The following CAPN8 variants were observed in gnomAD, a reference collection of about 807,000 sequenced individuals.
The protein encoded by CAPN8 is calpain 8, also known as calpain-8.
CAPN8 carries 87 observed loss-of-function variants against 80.9 expected under a neutral mutation model. The ratio of observed to expected loss-of-function variants is 1.07; its 90% CI spans 0.90 to 1.28. The LOEUF (loss-of-function observed/expected upper bound fraction) is 1.28, where lower values mean the gene tolerates loss of function less well. CAPN8 is among the 50% of genes most tolerant of loss of function. CAPN8 has a pLI of 0.00. For synonymous variants in CAPN8, 299 were observed against 273.8 expected (o/e 1.09, Z -0.91); for missense variants, 757 against 702.0 (o/e 1.08, Z -0.89).
intron 13 of CAPN8, among the ~76,000 whole-genome samples, chr1:223,554,110 G>A (rs2102693146): frequency 6.6e-6 from 1 of 152,346 alleles, no homozygotes; most frequent in East Asian, 1.9e-4. Flanking sequence ...GATGAGCAGA[G>A]AGGCAGCGCT....
chr1:223,640,652 C>T (rs532825245), intron 2 of CAPN8, among the ~76,000 whole-genome samples: 4 of 152,274 alleles, frequency 2.6e-5, no homozygotes, highest in South Asian at 4.1e-4. Context: ...CAAATCCCAT[C>T]CTCCTCCCTA....
intron 9 of CAPN8, 89 bp from the exon 10 acceptor site, chr1:223,616,234 C>T (rs898793957): frequency 2.2e-6 from 3 of 1,373,168 alleles, no homozygotes; most frequent in Non-Finnish European, 2.9e-6. Context: ...CTTGATCATC[C>T]TAATGAATGC....
intron 1 of CAPN8, among the ~76,000 whole-genome samples, chr1:223,655,765 A>G (rs1178069891): frequency 1.3e-5 from 2 of 152,202 alleles, no homozygotes; most frequent in African/African-American, 4.8e-5. Flanking sequence ...ATGCAGGAGC[A>G]GTCTACGTAC....
intron 2 of CAPN8, among the ~76,000 whole-genome samples, chr1:223,629,197 AGTGTGTGT>A (rs113967295): frequency 1.6e-4 from 15 of 95,308 alleles, no homozygotes; most frequent in Admixed American, 4.5e-4. Flanking sequence ...TACGTGTAAG[AGTGTGTGT>A]GTGTGTGTGT....
At chr1:223,628,363 AG>A (rs1311028175) in intron 3 of CAPN8, among the ~76,000 whole-genome samples, 1 of 152,182 alleles carries the variant, frequency 6.6e-6, no homozygotes, top group Non-Finnish European at 1.5e-5. Context: ...GAACTTGCCC[AG>A]CGCCACCTAG....
chr1:223,545,507 C>A, intron 16 of CAPN8: 1 of 738,912 alleles, frequency 1.4e-6, no homozygotes, highest in Non-Finnish European at 2.1e-6. Context: ...TGAGGCCAGG[C>A]ACAGAGCTAG....
At chr1:223,651,259 G>A (rs1395556457) in intron 2 of CAPN8, among the ~76,000 whole-genome samples, 7 of 152,208 alleles carry the variant, frequency 4.6e-5, no homozygotes, top group Middle Eastern at 3.4e-3. Flanking sequence ...TTGTGGGAGG[G>A]CTTTCGTTTG....
intron 16 of CAPN8, 162 bp from the exon 17 acceptor site, chr1:223,545,461 A>G: frequency 8.7e-7 from 1 of 1,155,758 alleles, no homozygotes; most frequent in African/African-American, 1.5e-5. Context: ...GTTCAAATAA[A>G]GATTAAAAAG....
intron 10 of CAPN8, among the ~76,000 whole-genome samples, chr1:223,612,797 T>C (rs573038711): frequency 2.6e-4 from 40 of 152,276 alleles, no homozygotes; most frequent in African/African-American, 9.4e-4. Flanking sequence ...TTAATGCTAG[T>C]GATATTAGGG....
intron 14 of CAPN8, among the ~76,000 whole-genome samples, chr1:223,553,012 C>T (rs1656830298): frequency 6.6e-6 from 1 of 152,136 alleles, no homozygotes; most frequent in African/African-American, 2.4e-5. Context: ...GTTTTATTTC[C>T]TGCAAGGGAT....
chr1:223,663,675 C>A (rs1026303253), intron 1 of CAPN8, among the ~76,000 whole-genome samples: 4 of 152,190 alleles, frequency 2.6e-5, no homozygotes, highest in African/African-American at 9.7e-5. Context: ...AACCATTACT[C>A]CCAATCTGGA....
At chr1:223,656,325 C>A (rs897048767) in intron 1 of CAPN8, among the ~76,000 whole-genome samples, 2 of 151,814 alleles carry the variant, frequency 1.3e-5, no homozygotes, top group African/African-American at 4.8e-5. Flanking sequence ...AAAAATTAGC[C>A]CGGCATGGTG....
chr1:223,631,095 C>G (rs1228702149), intron 2 of CAPN8, among the ~76,000 whole-genome samples: 4 of 152,152 alleles, frequency 2.6e-5, no homozygotes, highest in Admixed American at 2.0e-4. Flanking sequence ...TGAATCTAAT[C>G]TCCCAATCGA....
At chr1:223,613,759 T>C (rs1365885443) in intron 10 of CAPN8, among the ~76,000 whole-genome samples, 2 of 152,124 alleles carry the variant, frequency 1.3e-5, no homozygotes, top group African/African-American at 4.8e-5. Context: ...CAGGTTTTCA[T>C]CCTCAATCCA....
chr1:223,656,707 G>A (rs527561059), intron 1 of CAPN8, among the ~76,000 whole-genome samples: 10 of 132,004 alleles, frequency 7.6e-5, no homozygotes, highest in South Asian at 5.0e-4. Context: ...TTTTTGAGAC[G>A]GGGTCTCGCT....
chr1:223,655,673 G>GA (rs1658467659), intron 1 of CAPN8, among the ~76,000 whole-genome samples: 1 of 152,270 alleles, frequency 6.6e-6, no homozygotes, highest in Admixed American at 6.5e-5. Flanking sequence ...CACAAAGAGA[G>GA]AAAAATGAGA....
At chr1:223,654,494 G>A in intron 1 of CAPN8, 95 bp from the exon 2 acceptor site, 3 of 1,111,152 alleles carry the variant, frequency 2.7e-6, no homozygotes, top group East Asian at 2.6e-5. Flanking sequence ...TTGCAGAGCT[G>A]GAAGAAACCC....
chr1:223,648,333 C>A (rs951573858), intron 2 of CAPN8, among the ~76,000 whole-genome samples: 1 of 152,254 alleles, frequency 6.6e-6, no homozygotes, highest in Non-Finnish European at 1.5e-5. Flanking sequence ...ACCTCGGAGG[C>A]CTGACCCTGT....
At chr1:223,651,574 C>T (rs1658342189) in intron 2 of CAPN8, among the ~76,000 whole-genome samples, 1 of 152,200 alleles carries the variant, frequency 6.6e-6, no homozygotes, top group Non-Finnish European at 1.5e-5. Flanking sequence ...ACACACAGCC[C>T]ACCCTGACAG....
Sources: gnomAD v4.1 joint callset for allele counts (sites outside exome capture counted in the v4.1 genomes callset) on GRCh38, gnomAD v4.1.1 for gene constraint, MANE v1.5 for transcripts, NCBI Gene and HGNC (gene_info 2026-07-23, HGNC 2026-07-21) for gene names.